Variants in PREX2 observed in about 807,000 individuals in gnomAD.
The protein encoded by PREX2 is phosphatidylinositol 3,4,5-trisphosphate-dependent Rac exchanger 2 protein.
Under a neutral mutation model 203.2 loss-of-function variants are expected in PREX2, and 107 were observed. The observed-to-expected ratio is 0.53, with a 90% CI of 0.45 to 0.62. The LOEUF is 0.62. PREX2 is among the 20% of genes least tolerant of loss of function. The probability of loss-of-function intolerance (pLI) is 0.00; values close to 1 mark genes in which losing one functional copy is unlikely to be tolerated. For missense variants in PREX2, 1,777 were observed against 1,955.9 expected (o/e 0.91, Z 1.72); for synonymous variants, 672 against 663.6 (o/e 1.01, Z -0.19).
chr8:68,030,749 G>C (rs1241245416), intron 6 of PREX2, 91 bp downstream of exon 6: 2 of 1,249,024 alleles, frequency 1.6e-6, no homozygotes. Context: ...AACCATAAAT[G>C]GTCATTTTCT....
At chr8:67,986,437 A>C (rs2129609339) in intron 1 of PREX2, among the ~76,000 whole-genome samples, 1 of 152,336 alleles carries the variant, frequency 6.6e-6, no homozygotes, top group Non-Finnish European at 1.5e-5. Flanking sequence ...CCATGCAGGC[A>C]TCCTGTCTAC....
chr8:68,200,460 A>G (rs974604949), intron 37 of PREX2, among the ~76,000 whole-genome samples: 1 of 152,132 alleles, frequency 6.6e-6, no homozygotes, highest in Non-Finnish European at 1.5e-5. Context: ...AACTAGATAA[A>G]TAATACAGGT....
chr8:68,030,893 T>C (rs1401954363), intron 6 of PREX2, among the ~76,000 whole-genome samples: 2 of 152,128 alleles, frequency 1.3e-5, no homozygotes, highest in Non-Finnish European at 2.9e-5. Flanking sequence ...ATAGATACTA[T>C]GTGGGCTATA....
chr8:68,118,481 G>A, intron 26 of PREX2, 69 bp from the exon 27 acceptor site: 2 of 935,952 alleles, frequency 2.1e-6, no homozygotes, highest in South Asian at 1.4e-5. Context: ...ATAAGTTTAT[G>A]TCATAAGAAA....
intron 2 of PREX2, 58 bp downstream of exon 2, chr8:68,017,975 CT>C: frequency 1.5e-6 from 2 of 1,372,840 alleles, no homozygotes. Flanking sequence ...ATAAATTTTG[CT>C]GGTGCCATGG....
At chr8:68,187,925 G>T (rs941563916) in intron 35 of PREX2, among the ~76,000 whole-genome samples, 4 of 152,180 alleles carry the variant, frequency 2.6e-5, no homozygotes, top group Non-Finnish European at 4.4e-5. Flanking sequence ...GACAGCGTTT[G>T]CAGAGCAATA....
At chr8:68,157,483 A>G (rs1811563873) in intron 35 of PREX2, 47 bp downstream of exon 35, 3 of 982,284 alleles carry the variant, frequency 3.1e-6, no homozygotes, top group Admixed American at 3.7e-5. Context: ...ATATTTTGAT[A>G]GAAATGTATT....
chr8:68,229,624 A>G (rs976875017), intron 39 of PREX2, among the ~76,000 whole-genome samples: 1 of 152,136 alleles, frequency 6.6e-6, no homozygotes, highest in Non-Finnish European at 1.5e-5. Context: ...TCAATTTGCA[A>G]GGCAGACATT....
At position 68,060,577 on chromosome 8, in the gene PREX2, T is replaced by C. The variant is rs1025637348; in HGVS notation, c.1239-102T>C. ...AATGTGTTGCAAATATTCCTTTATA[T>C]TTTGAGATTCCTTTCATCATTGCTT... On this transcript the variant is annotated intron_variant, in intron 10 of 39. Transcript: ENST00000288368. The C allele has an allele frequency of 4.1e-6, 3 of 732,740 alleles. No homozygotes were observed. The African/African-American group carries it at 5.4e-5, about 13-fold the overall frequency. The allele number at this position is 732,740 out of a possible 1,614,324, so 45.4% of individuals were successfully genotyped here.
At chr8:67,958,663 C>T (rs1291760343) in intron 1 of PREX2, among the ~76,000 whole-genome samples, 2 of 152,230 alleles carry the variant, frequency 1.3e-5, no homozygotes, top group East Asian at 3.9e-4. Flanking sequence ...ACAGTAACAG[C>T]AGAAAACCCA....
At chr8:68,071,370 T>C (rs1384611094) in intron 13 of PREX2, among the ~76,000 whole-genome samples, 1 of 152,182 alleles carries the variant, frequency 6.6e-6, no homozygotes, top group East Asian at 1.9e-4. Context: ...ATATGGTCTG[T>C]AATAGACTAC....
chr8:68,016,274 T>G (rs538414848), intron 1 of PREX2, among the ~76,000 whole-genome samples: 1 of 152,332 alleles, frequency 6.6e-6, no homozygotes, highest in East Asian at 1.9e-4. Context: ...CATTTGTATA[T>G]CTGTATATAT....
chr8:68,103,611 CA>C (rs1563547116), intron 23 of PREX2: 1 of 519,126 alleles, frequency 1.9e-6, no homozygotes, highest in South Asian at 1.4e-5. Context: ...TCATTACCCT[CA>C]ACACACTCCA....
intron 38 of PREX2, 74 bp downstream of exon 38, chr8:68,217,792 G>T: frequency 9.4e-7 from 1 of 1,067,726 alleles, no homozygotes; most frequent in South Asian, 1.4e-5. Flanking sequence ...TCATTTATCA[G>T]GGGTTTGACA....
At chr8:68,002,129 C>CT (rs60762447) in intron 1 of PREX2, among the ~76,000 whole-genome samples, 1 of 146,342 alleles carries the variant, frequency 6.8e-6, no homozygotes, top group Non-Finnish European at 1.5e-5. Context: ...TTAATTTTGC[C>CT]TTTTTTTCTT....
intron 7 of PREX2, among the ~76,000 whole-genome samples, chr8:68,039,337 G>C (rs1808127033): frequency 6.6e-6 from 1 of 152,022 alleles, no homozygotes; most frequent in African/African-American, 2.4e-5. Flanking sequence ...GTTTGTTTTT[G>C]TAGCAGCCTG....
chr8:68,179,991 C>T (rs1812054624), intron 35 of PREX2, among the ~76,000 whole-genome samples: 1 of 152,046 alleles, frequency 6.6e-6, no homozygotes, highest in South Asian at 2.1e-4. Flanking sequence ...TCTATTTCTC[C>T]TCTTCCCACC....
At chr8:68,022,552 A>T (rs979710579) in intron 4 of PREX2, among the ~76,000 whole-genome samples, 2 of 152,130 alleles carry the variant, frequency 1.3e-5, no homozygotes, top group African/African-American at 4.8e-5. Flanking sequence ...TCCTACATAC[A>T]TTTCTTATTT....
At chr8:68,101,667 C>T (rs1018513239) in intron 23 of PREX2, among the ~76,000 whole-genome samples, 5 of 152,130 alleles carry the variant, frequency 3.3e-5, no homozygotes, top group South Asian at 2.1e-4. Context: ...ATTCTCCTTT[C>T]GAAGAAGTTT....
Sources: allele counts gnomAD v4.1 joint callset (sites outside exome capture counted in the v4.1 genomes callset), GRCh38; gene constraint gnomAD v4.1.1; transcripts MANE v1.5; gene names NCBI Gene and HGNC (gene_info 2026-07-23, HGNC 2026-07-21).